TFDP2: variants seen among roughly 807,000 people sequenced by gnomAD.
The protein encoded by TFDP2 is transcription factor Dp-2 (E2F dimerization partner 2).
In TFDP2, 17 loss-of-function variants were observed where a neutral mutation model predicts 59.3. That is an observed-to-expected ratio of 0.29 (90% CI 0.20 to 0.43). TFDP2 has a LOEUF of 0.43. Ranked by LOEUF, TFDP2 falls within the 20% of genes least tolerant of loss-of-function variation. TFDP2 has a pLI of 1.00. For missense variants in TFDP2, 391 were observed against 528.8 expected (o/e 0.74, Z 2.56); for synonymous variants, 180 against 194.7 (o/e 0.92, Z 0.63).
At position 141,952,157 on chromosome 3, in the gene TFDP2, A is replaced by C. The variant is rs1936001631; in HGVS notation, c.*356T>G. 5.8e-6 allele frequency: 1 copy of C among 173,266 alleles called. No homozygotes were observed. Among genetic ancestry groups the C allele is most frequent in the Non-Finnish European group, 1.2e-5 (1 of 83,082 alleles). 10.7% of individuals were successfully genotyped at this position (173,266 alleles called of 1,614,324 possible). On this transcript the variant is annotated 3_prime_UTR_variant, in exon 13 of 13. Coordinates refer to ENST00000489671, the MANE Select transcript of TFDP2 (RefSeq NM_001178139.2). ...AAGGACTGCTCCGTGTAGCAATCTC[A>C]ATTCTAAGAATAATTACATGGGTGT...
At chr3:142,076,646 T>C (rs1396279522) in intron 3 of TFDP2, among the ~76,000 whole-genome samples, 3 of 152,240 alleles carry the variant, frequency 2.0e-5, no homozygotes, top group Non-Finnish European at 4.4e-5. Context: ...TTTTTAAGTG[T>C]TAATGAAGTA....
chr3:142,045,435 C>A, intron 3 of TFDP2, among the ~76,000 whole-genome samples: 1 of 152,206 alleles, frequency 6.6e-6, no homozygotes, highest in South Asian at 2.1e-4. Context: ...GCTGCGATTA[C>A]AGGTGTGAGC....
chr3:142,110,963 A>T (rs1577009487), intron 1 of TFDP2, among the ~76,000 whole-genome samples: 1 of 152,030 alleles, frequency 6.6e-6, no homozygotes, highest in Admixed American at 6.6e-5. Context: ...GGAAAAAAAA[A>T]AAAGATACTG....
At chr3:142,007,342 T>C (rs1944300053) in intron 3 of TFDP2, among the ~76,000 whole-genome samples, 1 of 152,196 alleles carries the variant, frequency 6.6e-6, no homozygotes, top group African/African-American at 2.4e-5. Context: ...AGCCCTCTTA[T>C]ACGATCATCG....
chr3:142,118,883 G>T (rs1442451297), intron 1 of TFDP2, among the ~76,000 whole-genome samples: 1 of 152,188 alleles, frequency 6.6e-6, no homozygotes. Context: ...CATTCTGGCT[G>T]GGTGCAGTGG....
At chr3:142,052,334 A>G (rs928512245) in intron 3 of TFDP2, among the ~76,000 whole-genome samples, 6 of 151,816 alleles carry the variant, frequency 4.0e-5, no homozygotes, top group Non-Finnish European at 5.9e-5. Flanking sequence ...TCAGGAGATC[A>G]TGACCATCCT....
intron 1 of TFDP2, among the ~76,000 whole-genome samples, chr3:142,146,669 A>G (rs887247376): frequency 6.6e-6 from 1 of 152,236 alleles, no homozygotes; most frequent in African/African-American, 2.4e-5. Flanking sequence ...TTAGTCTTCT[A>G]TACTAGTTAA....
chr3:141,987,807 C>A (rs1235095934), intron 6 of TFDP2, among the ~76,000 whole-genome samples: 1 of 150,420 alleles, frequency 6.6e-6, no homozygotes, highest in Non-Finnish European at 1.5e-5. Context: ...GGCATGATGG[C>A]AGGTGCCTGT....
intron 7 of TFDP2, 145 bp downstream of exon 7, chr3:141,978,375 A>G: frequency 1.1e-6 from 1 of 869,724 alleles, no homozygotes; most frequent in Non-Finnish European, 1.6e-6. Flanking sequence ...TCCCTCCAAA[A>G]TAAAACTCAA....
intron 7 of TFDP2, among the ~76,000 whole-genome samples, chr3:141,977,107 T>TATATATATATATATATATATATATATATA (rs1491255094): frequency 6.9e-5 from 6 of 86,650 alleles, no homozygotes; most frequent in African/African-American, 3.0e-4. Flanking sequence ...TATATATATA[T>TATATATATATATATATATATATATATATA]TTTTTTTTTT....
In TFDP2 at chr3:142,149,303, A is replaced by T; in HGVS notation, c.-213T>A. ...TTAGGCGGCGGCCGGGTCCCGGTGG[A>T]CTCACACCCGGGGAGACGCGGCCTG... is the stretch of plus-strand genomic sequence containing the variant. On this transcript the variant is annotated 5_prime_UTR_variant, in exon 1 of 13. Transcript: ENST00000489671. 2.5e-6 allele frequency: 1 copy of T among 395,280 alleles called. No individual in the cohort carries two copies. The allele number at this position is 395,280 out of a possible 1,614,324, so 24.5% of individuals were successfully genotyped here.
intron 3 of TFDP2, among the ~76,000 whole-genome samples, chr3:142,010,710 C>A (rs1003523377): frequency 3.9e-4 from 58 of 150,130 alleles, no homozygotes; most frequent in Non-Finnish European, 6.4e-4. Context: ...GGCTAATATC[C>A]AGAATCTACA....
At chr3:142,039,191 CAT>C (rs1366285853) in intron 3 of TFDP2, among the ~76,000 whole-genome samples, 2 of 152,174 alleles carry the variant, frequency 1.3e-5, no homozygotes, top group Non-Finnish European at 2.9e-5. Context: ...AATTCATACT[CAT>C]ATTTTTATTA....
intron 1 of TFDP2, among the ~76,000 whole-genome samples, chr3:142,148,955 C>T (rs1234858421): frequency 6.6e-6 from 1 of 152,240 alleles, no homozygotes; most frequent in Non-Finnish European, 1.5e-5. Flanking sequence ...CGTTACCTCC[C>T]CCGATTTGCT....
At chr3:142,063,438 T>C (rs1367521293) in intron 3 of TFDP2, among the ~76,000 whole-genome samples, 5 of 152,118 alleles carry the variant, frequency 3.3e-5, no homozygotes, top group African/African-American at 1.2e-4. Context: ...TATACATACA[T>C]ACACAGTTTA....
At chr3:142,109,772 G>A (rs1236543051) in intron 1 of TFDP2, among the ~76,000 whole-genome samples, 3 of 152,178 alleles carry the variant, frequency 2.0e-5, no homozygotes, top group Non-Finnish European at 2.9e-5. Flanking sequence ...AAAATAGTAC[G>A]CAAGAATTTT....
chr3:142,006,977 T>C (rs1013561305), intron 3 of TFDP2, among the ~76,000 whole-genome samples: 1 of 152,054 alleles, frequency 6.6e-6, no homozygotes, highest in Non-Finnish European at 1.5e-5. Flanking sequence ...GGTTTCACCA[T>C]GTTGGCCAGG....
chr3:142,053,802 A>G (rs1280761264), intron 3 of TFDP2, among the ~76,000 whole-genome samples: 1 of 152,236 alleles, frequency 6.6e-6, no homozygotes, highest in Non-Finnish European at 1.5e-5. Flanking sequence ...ATAACAAGAC[A>G]AACAACTCAA....
chr3:142,067,740 T>C (rs768348403), intron 3 of TFDP2, among the ~76,000 whole-genome samples: 6 of 152,160 alleles, frequency 3.9e-5, no homozygotes, highest in Non-Finnish European at 1.5e-5. Context: ...TGGTAGCTCA[T>C]GCCTGTAATC....
Sources: allele counts gnomAD v4.1 joint callset (sites outside exome capture counted in the v4.1 genomes callset), GRCh38; gene constraint gnomAD v4.1.1; transcripts MANE v1.5; gene names NCBI Gene and HGNC (gene_info 2026-07-23, HGNC 2026-07-21).